Variants in GCNT1 observed in about 807,000 individuals in gnomAD.
GCNT1 encodes the protein glucosaminyl (N-acetyl) transferase 1, also known as beta-1,3-galactosyl-O-glycosyl-glycoprotein beta-1,6-N-acetylglucosaminyltransferase.
Under a neutral mutation model 26.2 loss-of-function variants are expected in GCNT1, and 16 were observed. The ratio of observed to expected loss-of-function variants is 0.61; its 90% confidence interval spans 0.41 to 0.93. GCNT1 has a LOEUF of 0.93. GCNT1 is among the 40% of genes least tolerant of loss of function. GCNT1 has a pLI of 0.00. For missense variants in GCNT1, 477 were observed against 526.7 expected (o/e 0.91, Z 0.92); for synonymous variants, 183 against 190.8 (o/e 0.96, Z 0.34).
chr9:76,426,837 G>A (rs1330419688), intron 1 of GCNT1, among the ~76,000 whole-genome samples: 3 of 152,114 alleles, frequency 2.0e-5, no homozygotes, highest in African/African-American at 7.2e-5. Flanking sequence ...CTTGAACCTG[G>A]GAGGCGGAGG....
intron 2 of GCNT1, among the ~76,000 whole-genome samples, chr9:76,496,640 C>T (rs922626080): frequency 6.6e-6 from 1 of 152,160 alleles, no homozygotes; most frequent in Non-Finnish European, 1.5e-5. Context: ...CACCTGATAC[C>T]TATCTTCTTT....
chr9:76,486,204 C>T (rs933361098), intron 2 of GCNT1, among the ~76,000 whole-genome samples: 1 of 152,190 alleles, frequency 6.6e-6, no homozygotes, highest in African/African-American at 2.4e-5. Flanking sequence ...TAGCATTCTC[C>T]TGAAGATTCT....
In GCNT1 at chr9:76,504,520, C is replaced by T; in HGVS notation, c.*852C>T. 1 of 375,242 alleles carries T rather than the reference C, an allele frequency of 2.7e-6. No homozygotes were observed. Among genetic ancestry groups the T allele is most frequent in the Non-Finnish European group, 4.9e-6 (1 of 202,448 alleles). 23.2% of individuals were successfully genotyped at this position (375,242 alleles called of 1,614,324 possible). A position where few individuals can be genotyped will look rare whatever the true frequency, so the allele number is the denominator to read the frequency against. ...TTCACTGGACCCTAAATTATTGTCTCTGCTATCTGACTGCCAGTAATTAGT... is the reference window on the plus strand; with the variant it reads ...TTCACTGGACCCTAAATTATTGTCTTTGCTATCTGACTGCCAGTAATTAGT... On this transcript the variant is annotated 3_prime_UTR_variant, in exon 4 of 4. Transcript: ENST00000376730.
At chr9:76,428,422 T>C (rs1328270167) in intron 1 of GCNT1, among the ~76,000 whole-genome samples, 1 of 152,070 alleles carries the variant, frequency 6.6e-6, no homozygotes, top group African/African-American at 2.4e-5. Context: ...TTATGAGCTA[T>C]TTTAAATACA....
At chr9:76,445,005 T>C (rs894633732) in intron 1 of GCNT1, among the ~76,000 whole-genome samples, 1 of 152,216 alleles carries the variant, frequency 6.6e-6, no homozygotes, top group Non-Finnish European at 1.5e-5. Flanking sequence ...TAGCCCACCA[T>C]ACTTCAAATA....
intron 1 of GCNT1, among the ~76,000 whole-genome samples, chr9:76,424,940 C>T (rs964627292): frequency 6.6e-6 from 1 of 151,968 alleles, no homozygotes; most frequent in African/African-American, 2.4e-5. Context: ...GAGATTGAGA[C>T]CATCCTGGCT....
At chr9:76,498,552 C>A (rs1046419590) in intron 2 of GCNT1, among the ~76,000 whole-genome samples, 3 of 152,092 alleles carry the variant, frequency 2.0e-5, no homozygotes, top group Admixed American at 1.3e-4. Context: ...GCAGGCAGAT[C>A]ACCTGAGGTC....
chr9:76,470,710 CATCT>C lies in GCNT1; in HGVS notation c.-290+10537_-290+10540del, dbSNP rs1382853073. Among the ~76,000 whole-genome samples, 2 of 151,476 alleles carry C rather than the reference CATCT, an allele frequency of 1.3e-5. 1 individual carries two copies. The highest frequency in any genetic ancestry group is 3.9e-4 in the East Asian group (2 of 5,164). On this transcript the variant is annotated intron_variant, in intron 2 of 3. Coordinates refer to ENST00000376730, the MANE Select transcript of GCNT1 (RefSeq NM_001490.5). ...ACATTTTATCATTCCATAATGTATACATCTATCAAAACATCACATTATACCCCAT... is the reference window on the plus strand; with the variant it reads ...ACATTTTATCATTCCATAATGTATACATCAAAACATCACATTATACCCCAT...
rs2131649120 is a variant in GCNT1 at position 76,504,051 on chromosome 9, T to C, written c.*383T>C. ...TGTGCCAAAACTATTTTGAGAATTT[T>C]AAATGTGACCATTTTTCTGGTATGA... On this transcript the variant is annotated 3_prime_UTR_variant, in exon 4 of 4. Transcript: ENST00000376730. 4.8e-6 allele frequency: 1 copy of C among 208,966 alleles called. No homozygotes were observed. The allele number at this position is 208,966 out of a possible 1,614,324, so 12.9% of individuals were successfully genotyped here.
Position 76,506,038 on chromosome 9 carries a change from C to G in GCNT1, c.*2370C>G, listed in dbSNP as rs1347294222. The G allele has an allele frequency of 6.0e-6, 1 of 166,996 alleles. No homozygotes were observed. Among genetic ancestry groups the G allele is most frequent in the Non-Finnish European group, 1.5e-5 (1 of 68,104 alleles). 10.3% of individuals were successfully genotyped at this position (166,996 alleles called of 1,614,324 possible). A position where few individuals can be genotyped will look rare whatever the true frequency, so the allele number is the denominator to read the frequency against. On this transcript the variant is annotated 3_prime_UTR_variant, in exon 4 of 4. Coordinates refer to ENST00000376730, the MANE Select transcript of GCNT1 (RefSeq NM_001490.5). ...ATCCATTCATTGGGGCTCAAAGTAT[C>G]TTTTAGACTTTTAAGGACAATTTAC...
intron 2 of GCNT1, among the ~76,000 whole-genome samples, chr9:76,469,571 G>C (rs915638461): frequency 6.6e-6 from 1 of 152,118 alleles, no homozygotes; most frequent in South Asian, 2.1e-4. Flanking sequence ...CTTCTGGTCC[G>C]TGTTTGTTAC....
At chr9:76,430,788 A>AT (rs1823328479) in intron 1 of GCNT1, among the ~76,000 whole-genome samples, 1 of 152,124 alleles carries the variant, frequency 6.6e-6, no homozygotes, top group Admixed American at 6.6e-5. Flanking sequence ...GGCTCAAGTG[A>AT]TTCTTGTGCC....
chr9:76,468,173 G>A (rs1303761242), intron 2 of GCNT1, among the ~76,000 whole-genome samples: 2 of 151,954 alleles, frequency 1.3e-5, no homozygotes, highest in Non-Finnish European at 2.9e-5. Context: ...CTGGGATTAC[G>A]GGCGTGAGTC....
the GCNT1 span, among the ~76,000 whole-genome samples, chr9:76,411,697 C>CTTTTT: frequency 0.066 from 5,467 of 83,280 alleles, 619 homozygotes; most frequent in African/African-American, 0.11. Flanking sequence ...ATCAATTATA[C>CTTTTT]TTTTTTTTTT....
chr9:76,402,188 T>C, the GCNT1 span, among the ~76,000 whole-genome samples: 14 of 152,316 alleles, frequency 9.2e-5, no homozygotes, highest in South Asian at 2.9e-3. Context: ...CAGAGAGCTT[T>C]CCTGTATCTG....
intron 2 of GCNT1, among the ~76,000 whole-genome samples, chr9:76,472,293 A>C (rs1017102872): frequency 6.6e-6 from 1 of 152,206 alleles, no homozygotes; most frequent in Non-Finnish European, 1.5e-5. Context: ...AAAGAAAAAA[A>C]GGAAATGAGA....
intron 1 of GCNT1, among the ~76,000 whole-genome samples, chr9:76,450,037 T>C (rs931188663): frequency 4.6e-5 from 7 of 152,152 alleles, no homozygotes; most frequent in African/African-American, 1.7e-4. Context: ...CCTCCCAAAG[T>C]GCTGGGATTA....
chr9:76,493,038 CAG>C (rs1824790950), intron 2 of GCNT1, among the ~76,000 whole-genome samples: 1 of 152,118 alleles, frequency 6.6e-6, no homozygotes, highest in Non-Finnish European at 1.5e-5. Context: ...AGTCGGGTGA[CAG>C]GGGAGTATAT....
At chr9:76,447,626 T>G (rs766766399) in intron 1 of GCNT1, among the ~76,000 whole-genome samples, 1 of 152,182 alleles carries the variant, frequency 6.6e-6, no homozygotes, top group Non-Finnish European at 1.5e-5. Context: ...TCTTAACTTT[T>G]TTATAGTTAT....
Sources: allele counts gnomAD v4.1 joint callset (sites outside exome capture counted in the v4.1 genomes callset), GRCh38; gene constraint gnomAD v4.1.1; transcripts MANE v1.5; gene names NCBI Gene and HGNC (gene_info 2026-07-23, HGNC 2026-07-21).